Variants in FYB1 observed in about 807,000 individuals in gnomAD.
FYB1 encodes FYN binding protein 1, also known as FYN-binding protein 1.
Under a neutral mutation model 94.1 loss-of-function variants are expected in FYB1, and 41 were observed. The observed-to-expected ratio is 0.44, with a 90% confidence interval of 0.34 to 0.57. The LOEUF is 0.57. Among genes scored for constraint, FYB1 ranks in the 20% least tolerant of loss-of-function variants. The pLI, the probability that FYB1 is intolerant of heterozygous loss-of-function variation, is 0.02. For synonymous variants in FYB1, 367 were observed against 353.2 expected (o/e 1.04, Z -0.44); for missense variants, 1,050 against 976.8 (o/e 1.07, Z -1.00).
At chr5:39,137,546 G>T in intron 7 of FYB1, 54 bp downstream of exon 7, 1 of 1,508,750 alleles carries the variant, frequency 6.6e-7, no homozygotes, top group Non-Finnish European at 8.8e-7. Flanking sequence ...CCCCTTTTGT[G>T]TGAAAGGTAT....
In FYB1 at chr5:39,108,263, C is replaced by T. The variant is rs1178916874; in HGVS notation, c.2436-1G>A. ...AATATCATCATAGATCTCTCCATCA[C>T]TGTAAATGTAAAAAAAAATTTTTAT... On this transcript the variant is annotated splice_acceptor_variant, in intron 17 of 18. Coordinates refer to ENST00000512982, the MANE Select transcript of FYB1 (RefSeq NM_001465.6). LOFTEE classifies it high-confidence loss of function. 6.6e-7 allele frequency: 1 copy of T among 1,525,388 alleles called. No individual in the cohort carries two copies. The highest frequency in any genetic ancestry group is 2.5e-5 in the East Asian group (1 of 40,438). 94.5% of individuals were successfully genotyped at this position (1,525,388 alleles called of 1,614,324 possible).
chr5:39,205,177 T>C (rs993620628), intron 1 of FYB1, among the ~76,000 whole-genome samples: 4 of 152,218 alleles, frequency 2.6e-5, no homozygotes, highest in African/African-American at 9.7e-5. Context: ...ATGCCTTTTA[T>C]TCTAGACTTA....
chr5:39,223,006 C>A (rs1249339449), upstream of FYB1, among the ~76,000 whole-genome samples: 2 of 151,980 alleles, frequency 1.3e-5, no homozygotes, highest in Non-Finnish European at 2.9e-5. Context: ...TAATGCATGC[C>A]AGGCTTAATA....
At position 39,137,773 on chromosome 5, in the gene FYB1, G is replaced by A. The variant is rs182426452; in HGVS notation, c.1395-53C>T. On this transcript the variant is annotated intron_variant, in intron 6 of 18. Coordinates refer to ENST00000512982, the MANE Select transcript of FYB1 (RefSeq NM_001465.6). ...TCACATCTGCAGGTGTTGATGCGTC[G>A]GAACTCCCTACCTAGAAGTTTCTAC... 97 of 1,545,836 alleles carry A rather than the reference G, an allele frequency of 6.3e-5. No homozygotes were observed. The East Asian group carries it at 1.3e-3, about 21-fold the overall frequency.
rs376975385 is a variant in FYB1 at position 39,115,877 on chromosome 5, C to T, written c.2401+2997G>A. On this transcript the variant is annotated intron_variant, in intron 16 of 18. Coordinates refer to ENST00000512982, the MANE Select transcript of FYB1 (RefSeq NM_001465.6). ...CTCCCTTACACCCGCATCCTTACCACGTGAGTACTTGCAAATCCAACTGAC... is the reference window on the plus strand; with the variant it reads ...CTCCCTTACACCCGCATCCTTACCATGTGAGTACTTGCAAATCCAACTGAC... Among the ~76,000 whole-genome samples the T allele has an allele frequency of 3.3e-5, 5 of 152,270 alleles. No individual in the cohort carries two copies. In the South Asian group the frequency reaches 1.0e-3, roughly 32 times the overall value.
chr5:39,219,474 C>T lies in FYB1; in HGVS notation c.-59G>A. 1.0e-6 allele frequency: 1 copy of T among 985,528 alleles called. No homozygotes were observed. The highest frequency in any genetic ancestry group is 1.2e-6 in the Non-Finnish European group (1 of 829,950). The allele number at this position is 985,528 out of a possible 1,614,324, so 61.0% of individuals were successfully genotyped here. A position where few individuals can be genotyped will look rare whatever the true frequency, so the allele number is the denominator to read the frequency against. ...CCTGCAGAAGAAGGCGGAAGGATGG[C>T]CTCCTTTAGTGGATCTTCCTGGGCC... is the stretch of plus-strand genomic sequence containing the variant. On this transcript the variant is annotated 5_prime_UTR_variant, in exon 1 of 19. Transcript: ENST00000512982.
upstream of FYB1, among the ~76,000 whole-genome samples, chr5:39,221,372 G>A (rs1240079630): frequency 6.6e-6 from 1 of 152,172 alleles, no homozygotes; most frequent in Non-Finnish European, 1.5e-5. Context: ...ATAAAGAAGG[G>A]AACAGGAGGA....
At chr5:39,225,891 C>CT (rs1750451265) in intron 1 of FYB1, among the ~76,000 whole-genome samples, 2 of 152,162 alleles carry the variant, frequency 1.3e-5, no homozygotes, top group Admixed American at 6.5e-5. Flanking sequence ...GTTGGTTCCA[C>CT]TTTTTTAATA....
At chr5:39,239,384 AGAT>A (rs1159177412) in intron 1 of FYB1, among the ~76,000 whole-genome samples, 1 of 152,202 alleles carries the variant, frequency 6.6e-6, no homozygotes, top group African/African-American at 2.4e-5. Flanking sequence ...CTCTGTTTGC[AGAT>A]GATATGATTG....
rs747461552 is a variant in FYB1 at position 39,202,937 on chromosome 5, G to GC, written c.23dup (p.Asn9GlnfsTer10). 1 of 1,613,870 alleles carries GC rather than the reference G, an allele frequency of 6.2e-7. No homozygotes were observed. The highest frequency in any genetic ancestry group is 8.5e-7 in the Non-Finnish European group (1 of 1,179,890). On this transcript the variant is annotated frameshift_variant, in exon 2 of 19. Transcript: ENST00000512982. LOFTEE classifies it high-confidence loss of function. Reference sequence around the variant, plus strand: ...TGACTGAGACATCCTCTGTCGGGTTGCCCCCCGTGTTATATTTCGCCATGA... The same window carrying GC: ...TGACTGAGACATCCTCTGTCGGGTTGCCCCCCCGTGTTATATTTCGCCATGA...
At chr5:39,153,412 A>G in intron 3 of FYB1, 36 bp downstream of exon 3, 1 of 1,606,846 alleles carries the variant, frequency 6.2e-7, no homozygotes, top group Non-Finnish European at 8.5e-7. Flanking sequence ...ACGGCAAGAG[A>G]CTAGGAAAGA....
At chr5:39,146,993 C>T (rs953699280) in intron 3 of FYB1, among the ~76,000 whole-genome samples, 1 of 151,982 alleles carries the variant, frequency 6.6e-6, no homozygotes, top group Non-Finnish European at 1.5e-5. Flanking sequence ...TTGAGAAAAG[C>T]CCCATACAGA....
At chr5:39,266,613 G>C (rs1752446869) in intron 1 of FYB1, among the ~76,000 whole-genome samples, 1 of 152,186 alleles carries the variant, frequency 6.6e-6, no homozygotes. Flanking sequence ...TTCAGGAAGT[G>C]GGGGAGGTGG....
At chr5:39,262,324 T>C (rs1752258676) in intron 1 of FYB1, among the ~76,000 whole-genome samples, 1 of 152,118 alleles carries the variant, frequency 6.6e-6, no homozygotes, top group Non-Finnish European at 1.5e-5. Flanking sequence ...CTATAAAAAA[T>C]GGATGAAACA....
intron 1 of FYB1, among the ~76,000 whole-genome samples, chr5:39,238,777 C>T (rs899682903): frequency 4.6e-5 from 7 of 152,010 alleles, no homozygotes; most frequent in African/African-American, 4.8e-5. Flanking sequence ...AAAGGAAAGC[C>T]GAGAGGGTAT....
At chr5:39,173,944 A>T (rs1397150668) in intron 2 of FYB1, among the ~76,000 whole-genome samples, 1 of 152,094 alleles carries the variant, frequency 6.6e-6, no homozygotes, top group Non-Finnish European at 1.5e-5. Flanking sequence ...TTGATTCCAG[A>T]TGAATTTTAG....
At chr5:39,214,495 C>T (rs1208825376) in intron 1 of FYB1, among the ~76,000 whole-genome samples, 1 of 152,174 alleles carries the variant, frequency 6.6e-6, no homozygotes, top group African/African-American at 2.4e-5. Context: ...AACCAAGTGT[C>T]TGTTGACAGA....
intron 2 of FYB1, among the ~76,000 whole-genome samples, chr5:39,177,825 C>T (rs892850664): frequency 2.6e-5 from 4 of 152,154 alleles, no homozygotes; most frequent in Admixed American, 2.6e-4. Context: ...GTTGCTGAAG[C>T]TGTTAGAAGC....
chr5:39,243,749 G>A (rs1228596198), intron 1 of FYB1, among the ~76,000 whole-genome samples: 5 of 152,086 alleles, frequency 3.3e-5, no homozygotes, highest in African/African-American at 9.7e-5. Context: ...CCATTTTCAC[G>A]ATATTGATTC....
Sources: allele counts gnomAD v4.1 joint callset (sites outside exome capture counted in the v4.1 genomes callset), GRCh38; gene constraint gnomAD v4.1.1; transcripts MANE v1.5; gene names NCBI Gene and HGNC (gene_info 2026-07-23, HGNC 2026-07-21).